Variants in IGFN1 observed in about 807,000 individuals in gnomAD.
The protein encoded by IGFN1 is immunoglobulin-like and fibronectin type III domain-containing protein 1.
A neutral mutation model predicts 289.5 loss-of-function variants in IGFN1; 253 were observed. The ratio of observed to expected loss-of-function variants is 0.87; its 90% CI spans 0.79 to 0.97. The LOEUF (loss-of-function observed/expected upper bound fraction) is 0.97, where lower values mean the gene tolerates loss of function less well. Ranked by LOEUF, IGFN1 falls within the 50% of genes least tolerant of loss-of-function variation. IGFN1 has a pLI of 0.00. For missense variants in IGFN1, 4,470 were observed against 4,686.1 expected (o/e 0.95, Z 1.35); for synonymous variants, 1,706 against 1,788.5 (o/e 0.95, Z 1.16).
chr1:201,193,131 G>A, intron 1 of IGFN1, 116 bp from the exon 2 acceptor site: 1 of 610,458 alleles, frequency 1.6e-6, no homozygotes, highest in Non-Finnish European at 3.0e-6. Context: ...AAGCTCTTGG[G>A]GGCAGCAGCT....
rs1292164519 is a variant in IGFN1, at chr1:201,214,344, CAG to C, written c.8853+46_8853+47del. The C allele has an allele frequency of 3.8e-6, 6 of 1,566,354 alleles. No individual in the cohort carries two copies. In the African/African-American group the frequency reaches 8.1e-5, roughly 21 times the overall value. Reference sequence around the variant, plus strand: ...ACCTTCTCTTTACCAGTGGGAGGGACAGAGGTAAAGCAGAGAGGGGCAAGAGC... The same window carrying C: ...ACCTTCTCTTTACCAGTGGGAGGGACAGGTAAAGCAGAGAGGGGCAAGAGC... On this transcript the variant is annotated intron_variant, in intron 13 of 23. Transcript: ENST00000335211.
Position 201,208,804 on chromosome 1 carries a change from C to T in IGFN1, c.3911C>T (p.Ala1304Val), listed in dbSNP as rs1389005303. The change falls in exon 12 of 24, where the codon GCA becomes GTA. Residue 1304 changes from alanine to valine, a missense_variant. This residue lies in a region of IGFN1 where 2,011 missense variants were observed against 1,953.4 expected (regional missense o/e 1.03). Coordinates refer to ENST00000335211, the MANE Select transcript of IGFN1 (RefSeq NM_001164586.2). ...APENMGSGSK[A>V]DYRDGVGGSG... ...GAGAATATGGGTTCGGGGAGCAAGG[C>T]AGATTATAGGGATGGTGTAGGGGGT... The T allele has an allele frequency of 3.8e-5, 59 of 1,536,068 alleles. No homozygotes were observed. Among genetic ancestry groups the T allele is most frequent in the Non-Finnish European group, 5.1e-5 (59 of 1,146,446 alleles).
Position 201,214,183 on chromosome 1 carries a change from T to TG in IGFN1, c.8738dup (p.His2914ProfsTer8), listed in dbSNP as rs1162231703. The TG allele has an allele frequency of 6.2e-7, 1 of 1,612,184 alleles. No individual in the cohort carries two copies. Among genetic ancestry groups the TG allele is most frequent in the East Asian group, 2.2e-5 (1 of 44,838 alleles). ...TCCCTCTGTGTCTCTCCAGGCCCCA[T>TG]GGGCCACTTCTCCCAGGGCCTGGCT... On this transcript the variant is annotated frameshift_variant, in exon 13 of 24. Transcript: ENST00000335211. LOFTEE classifies it high-confidence loss of function.
In IGFN1 at chr1:201,208,486, C is replaced by A. The variant is rs1667545959; in HGVS notation, c.3593C>A (p.Ala1198Asp). The A allele has an allele frequency of 4.8e-6, 7 of 1,447,042 alleles. No individual in the cohort carries two copies. In the South Asian group the frequency reaches 1.0e-4, roughly 22 times the overall value. The allele number at this position is 1,447,042 out of a possible 1,614,324, so 89.6% of individuals were successfully genotyped here. A position where few individuals can be genotyped will look rare whatever the true frequency, so the allele number is the denominator to read the frequency against. The change falls in exon 12 of 24, where the codon GCC becomes GAC. Residue 1198 changes from alanine (A) to aspartate (D), a missense_variant. Ala to Asp is a moderately radical substitution (Grantham distance 126). This residue lies in a region of IGFN1 where 2,011 missense variants were observed against 1,953.4 expected (regional missense o/e 1.03). Coordinates refer to ENST00000335211, the MANE Select transcript of IGFN1 (RefSeq NM_001164586.2). ...GAGTCACTCGCACCTCACAATGGGG[C>A]CGCTTCTGGGAGCCAGTGGGCTTAT... is the stretch of plus-strand genomic sequence containing the variant. ...HPESLAPHNG[A>D]ASGSQWAYGA...
At chr1:201,193,701 C>G (rs1219154166) in intron 2 of IGFN1, among the ~76,000 whole-genome samples, 1 of 152,186 alleles carries the variant, frequency 6.6e-6, no homozygotes, top group Non-Finnish European at 1.5e-5. Context: ...ATCTGCCCAC[C>G]TCGGCCTCCG....
chr1:201,198,882 A>C (rs1335871377), intron 5 of IGFN1, among the ~76,000 whole-genome samples: 2 of 152,236 alleles, frequency 1.3e-5, no homozygotes, highest in Non-Finnish European at 2.9e-5. Context: ...CAGATGATGA[A>C]GAATACAAAT....
chr1:201,195,699 G>C (rs1666887918), intron 3 of IGFN1, 140 bp from the exon 4 acceptor site: 2 of 895,518 alleles, frequency 2.2e-6, no homozygotes, highest in Non-Finnish European at 1.6e-6. Context: ...GAGTCAAGGG[G>C]ACCAAGGCCT....
chr1:201,227,301 A>C, intron 23 of IGFN1, 93 bp downstream of exon 23: 1 of 996,820 alleles, frequency 1.0e-6, no homozygotes, highest in South Asian at 1.7e-5. Context: ...GCCTAGAGGG[A>C]TTCAGCCGGG....
rs763292962 is a variant in IGFN1 at position 201,213,511 on chromosome 1, G to T, written c.8618G>T (p.Arg2873Ile). 2.5e-6 allele frequency: 4 copies of T among 1,613,956 alleles called. No individual in the cohort carries two copies. The East Asian group carries it at 8.9e-5, about 36-fold the overall frequency. The change falls in exon 12 of 24, where the codon AGA becomes ATA. Residue 2873 changes from arginine (R) to isoleucine (I), a missense_variant. Arg to Ile is a moderately conservative substitution (Grantham distance 97). Coordinates refer to ENST00000335211, the MANE Select transcript of IGFN1 (RefSeq NM_001164586.2). ...REPPGHLGSRRSGKDGRLDIY... is the reference protein window; with the variant it reads ...REPPGHLGSRISGKDGRLDIY... ...CCCCCTGGTCACCTTGGTAGCAGGA[G>T]AAGTGGCAAAGACGGCAGGTTGGAC...
chr1:201,204,963 A>G, intron 10 of IGFN1, 119 bp from the exon 11 acceptor site: 1 of 994,482 alleles, frequency 1.0e-6, no homozygotes, highest in Admixed American at 2.8e-5. Flanking sequence ...CCAAGGTAAC[A>G]TGGGGAGTTT....
At position 201,205,277 on chromosome 1, in the gene IGFN1, G is replaced by C. The variant is rs1667357454; in HGVS notation, c.1112G>C (p.Gly371Ala). The change falls in exon 11 of 24, where the codon GGG (glycine) becomes GCG (alanine). Residue 371 changes from glycine to alanine, a missense_variant. Transcript: ENST00000335211. ...DGLTHRLVVR[G>A]ARFSDMGPYS... ...CTGACCCACCGGCTGGTGGTGAGGG[G>C]GGCACGTTTCTCAGACATGGGCCCC... 6.4e-7 allele frequency: 1 copy of C among 1,550,890 alleles called. No homozygotes were observed. The highest frequency in any genetic ancestry group is 2.0e-5 in the Admixed American group (1 of 51,000).
chr1:201,225,981 C>T lies in IGFN1; in HGVS notation c.10644C>T (p.Ala3548=), dbSNP rs371289125. ...CGCACGGTCCCTGGCACGAGGCAGC[C>T]GACCGCATCCACACCAACCGCTTCA... ...SSAHGPWHEA[A]DRIHTNRFTL... is the part of the protein sequence containing the mutation. The change falls in exon 22 of 24, where the codon GCC becomes GCT. Residue 3548 remains alanine, a synonymous_variant. Transcript: ENST00000335211. 2.4e-5 allele frequency: 38 copies of T among 1,582,360 alleles called. No homozygotes were observed. In the African/African-American group the frequency reaches 4.6e-4, roughly 19 times the overall value.
chr1:201,216,589 G>T lies in IGFN1; in HGVS notation c.9431G>T (p.Gly3144Val). The change falls in exon 16 of 24, where the codon GGC becomes GTC. Residue 3144 changes from glycine (G) to valine (V), a missense_variant. Gly to Val is a moderately radical substitution (Grantham distance 109, BLOSUM62 -3). Around this residue, in one of 8 missense-constraint regions of IGFN1, gnomAD observed 2,218 missense variants for 2,114.1 expected, o/e 1.05. Coordinates refer to ENST00000335211, the MANE Select transcript of IGFN1 (RefSeq NM_001164586.2). ...TACGTGGTGGAGAGACGGCAGGCTGGCAGGAGCACTTGGCTGAAGGTGGGC... is the reference window on the plus strand; with the variant it reads ...TACGTGGTGGAGAGACGGCAGGCTGTCAGGAGCACTTGGCTGAAGGTGGGC... Reference protein sequence around the residue: ...ECYVVERRQAGRSTWLKVGEA... With the variant: ...ECYVVERRQAVRSTWLKVGEA... The T allele has an allele frequency of 1.2e-6, 2 of 1,613,632 alleles. No homozygotes were observed. Among genetic ancestry groups the T allele is most frequent in the African/African-American group, 1.3e-5 (1 of 74,930 alleles).
Position 201,227,151 on chromosome 1 carries a change from G to C in IGFN1, c.11056G>C (p.Ala3686Pro), listed in dbSNP as rs375867012. The C allele has an allele frequency of 1.9e-6, 3 of 1,612,860 alleles. No individual in the cohort carries two copies. The South Asian group carries it at 3.3e-5, about 18-fold the overall frequency. Residue 3686 changes from alanine to proline, a missense_variant, in exon 23 of 24, where the codon GCT becomes CCT. By Grantham distance (27) the Ala-to-Pro change is conservative (BLOSUM62 -1). This residue lies in a region of IGFN1 where 2,218 missense variants were observed against 2,114.1 expected (regional missense o/e 1.05). Coordinates refer to ENST00000335211, the MANE Select transcript of IGFN1 (RefSeq NM_001164586.2). ...CCCGAAGGACAGCGGGGAGTACAAG[G>C]CTGTGGCTGAGAACACGCTGGGCCA... is the stretch of plus-strand genomic sequence containing the variant. Reference protein sequence around the residue: ...VSPKDSGEYKAVAENTLGQAV... With the variant: ...VSPKDSGEYKPVAENTLGQAV...
chr1:201,206,946 G>A lies in IGFN1; in HGVS notation c.2053G>A (p.Gly685Ser), dbSNP rs985645072. 6.5e-7 allele frequency: 1 copy of A among 1,536,394 alleles called. No homozygotes were observed. The highest frequency in any genetic ancestry group is 8.7e-7 in the Non-Finnish European group (1 of 1,146,506). ...TLELTGGRGSGSKVGMAPESW... is the reference protein window; with the variant it reads ...TLELTGGRGSSSKVGMAPESW... The stretch of plus-strand genomic sequence containing the variant: ...GGAGCTTACTGGAGGAAGAGGTTCT[G>A]GCTCCAAGGTGGGCATGGCCCCTGA... Residue 685 changes from glycine (G) to serine (S), a missense_variant, in exon 12 of 24, where the codon GGC becomes AGC. By Grantham distance (56) the Gly-to-Ser change is moderately conservative. Around this residue, in one of 8 missense-constraint regions of IGFN1, gnomAD observed 2,011 missense variants for 1,953.4 expected, o/e 1.03. Transcript: ENST00000335211.
chr1:201,206,387 C>A lies in IGFN1; in HGVS notation c.1494C>A (p.Ser498Arg). 6.4e-7 allele frequency: 1 copy of A among 1,550,712 alleles called. No homozygotes were observed. Among genetic ancestry groups the A allele is most frequent in the Non-Finnish European group, 8.7e-7 (1 of 1,146,992 alleles). The change falls in exon 12 of 24, where the codon AGC becomes AGA. Residue 498 changes from serine (S) to arginine (R), a missense_variant. Around this residue, in one of 8 missense-constraint regions of IGFN1, gnomAD observed 2,011 missense variants for 1,953.4 expected, o/e 1.03. Coordinates refer to ENST00000335211, the MANE Select transcript of IGFN1 (RefSeq NM_001164586.2). The stretch of plus-strand genomic sequence containing the variant: ...AGGGCTTTCCAGTAGCAGAGGGAAG[C>A]AGAGCCACTCTTCCCAGGGAAAATC... ...EGEGFPVAEG[S>R]RATLPRENQS...
chr1:201,217,243 C>T (rs774794850), intron 16 of IGFN1, 44 bp from the exon 17 acceptor site: 25 of 1,591,050 alleles, frequency 1.6e-5, no homozygotes, highest in Non-Finnish European at 2.1e-5. Flanking sequence ...TGAGCCGGCA[C>T]CTTTCCCAGG....
rs1374761621 is a variant in IGFN1, at chr1:201,212,453, G to A, written c.7560G>A (p.Gly2520=). Residue 2520 remains glycine (G), a synonymous_variant, in exon 12 of 24, where the codon GGG becomes GGA. Coordinates refer to ENST00000335211, the MANE Select transcript of IGFN1 (RefSeq NM_001164586.2). ...RVKDRSPDQA[G]IMGASGFLDG... is the part of the protein sequence containing the mutation. ...AGGATAGGTCTCCAGACCAAGCAGGGATAATGGGGGCTTCTGGGTTTCTTG... is the reference window on the plus strand; with the variant it reads ...AGGATAGGTCTCCAGACCAAGCAGGAATAATGGGGGCTTCTGGGTTTCTTG... 1 of 1,537,894 alleles carries A rather than the reference G, an allele frequency of 6.5e-7. No homozygotes were observed. The highest frequency in any genetic ancestry group is 1.4e-5 in the African/African-American group (1 of 73,016).
intron 20 of IGFN1, among the ~76,000 whole-genome samples, chr1:201,223,349 ATTATTTATTTATTTATTTAT>A (rs34981617): frequency 1.4e-5 from 2 of 142,992 alleles, no homozygotes; most frequent in Admixed American, 1.4e-4. Flanking sequence ...TTGGACAAAT[ATTATTTATTTATTTATTTAT>A]TTATTTATTT....
Sources: allele counts gnomAD v4.1 joint callset (sites outside exome capture counted in the v4.1 genomes callset), GRCh38; gene constraint gnomAD v4.1.1; regional missense constraint gnomAD v4.1.1; transcripts MANE v1.5; gene names NCBI Gene and HGNC (gene_info 2026-07-23, HGNC 2026-07-21).